MUSK: variants seen among roughly 807,000 people sequenced by gnomAD.
MUSK encodes muscle, skeletal receptor tyrosine-protein kinase.
MUSK carries 55 observed loss-of-function variants against 88.7 expected under a neutral mutation model. That is an observed-to-expected ratio of 0.62 (90% CI 0.50 to 0.78). The LOEUF is 0.78. Among genes scored for constraint, MUSK ranks in the 30% least tolerant of loss-of-function variants. MUSK has a pLI of 0.00. For missense variants in MUSK, 1,015 were observed against 1,074.3 expected, an observed-to-expected ratio of 0.94 and a Z score of 0.77; for synonymous variants, 387 against 391.9, an observed-to-expected ratio of 0.99 and a Z score of 0.15.
chr9:110,687,781 C>G (rs1289196675), intron 3 of MUSK, among the ~76,000 whole-genome samples: 1 of 152,084 alleles, frequency 6.6e-6, no homozygotes, highest in Non-Finnish European at 1.5e-5. Flanking sequence ...TACCCTAAGG[C>G]AAGCCTCTCA....
At chr9:110,788,215 C>T (rs537045363) in intron 14 of MUSK, 50 of 186,366 alleles carry the variant, frequency 2.7e-4, no homozygotes, top group African/African-American at 4.5e-4. Context: ...TCATGAGCAG[C>T]GATTTGTATC....
intron 5 of MUSK, among the ~76,000 whole-genome samples, chr9:110,720,297 CA>C (rs1179464116): frequency 6.6e-6 from 1 of 151,708 alleles, no homozygotes; most frequent in East Asian, 1.9e-4. Context: ...ATAAATGAAA[CA>C]AAAAGCTGGT....
At chr9:110,766,983 C>T (rs961863059) in intron 8 of MUSK, among the ~76,000 whole-genome samples, 1 of 152,192 alleles carries the variant, frequency 6.6e-6, no homozygotes, top group African/African-American at 2.4e-5. Context: ...TAGCATTTTC[C>T]ATTCTCCCAA....
intron 5 of MUSK, among the ~76,000 whole-genome samples, chr9:110,703,390 C>A (rs553322276): frequency 6.6e-6 from 1 of 151,768 alleles, no homozygotes; most frequent in Non-Finnish European, 1.5e-5. Context: ...ATTAGCCGGG[C>A]GTGGTGGTGC....
At chr9:110,714,321 T>TCACCA (rs2076717438) in intron 5 of MUSK, among the ~76,000 whole-genome samples, 2 of 152,150 alleles carry the variant, frequency 1.3e-5, no homozygotes, top group Non-Finnish European at 2.9e-5. Context: ...CCATCCATAT[T>TCACCA]TACAAGTGAG....
chr9:110,735,358 A>G (rs1009703364), intron 6 of MUSK, among the ~76,000 whole-genome samples: 7 of 152,166 alleles, frequency 4.6e-5, no homozygotes, highest in African/African-American at 1.7e-4. Context: ...ACATATACAC[A>G]ATGAAAGAAA....
chr9:110,788,706 A>T (rs974105520), intron 14 of MUSK, among the ~76,000 whole-genome samples: 1 of 151,592 alleles, frequency 6.6e-6, no homozygotes, highest in Non-Finnish European at 1.5e-5. Flanking sequence ...CAGATAATAA[A>T]AAAAAAACAA....
chr9:110,735,455 C>T (rs1361668502), intron 6 of MUSK, among the ~76,000 whole-genome samples: 1 of 151,892 alleles, frequency 6.6e-6, no homozygotes, highest in African/African-American at 2.4e-5. Flanking sequence ...TGAAATAAAC[C>T]AGACACAGCA....
chr9:110,672,175 AG>A (rs1287968356), intron 1 of MUSK, among the ~76,000 whole-genome samples: 2 of 152,232 alleles, frequency 1.3e-5, no homozygotes, highest in African/African-American at 4.8e-5. Context: ...AAAAGAAGGA[AG>A]GAGCAGAAAT....
chr9:110,758,369 T>C (rs1229806080), intron 7 of MUSK, among the ~76,000 whole-genome samples: 1 of 152,162 alleles, frequency 6.6e-6, no homozygotes, highest in Non-Finnish European at 1.5e-5. Context: ...CACTGGAGTG[T>C]TAACAAATTA....
chr9:110,774,673 A>G (rs541419350), intron 9 of MUSK, among the ~76,000 whole-genome samples: 1 of 151,884 alleles, frequency 6.6e-6, no homozygotes, highest in South Asian at 2.1e-4. Flanking sequence ...GCCCCATTAT[A>G]CTCCCTTCTC....
intron 3 of MUSK, among the ~76,000 whole-genome samples, chr9:110,689,848 A>C (rs1358672502): frequency 2.7e-5 from 2 of 73,662 alleles, no homozygotes; most frequent in African/African-American, 1.0e-4. Context: ...CTATATATTT[A>C]TATATAACTA....
intron 3 of MUSK, among the ~76,000 whole-genome samples, chr9:110,688,857 T>A (rs983187839): frequency 6.6e-6 from 1 of 151,296 alleles, no homozygotes; most frequent in Non-Finnish European, 1.5e-5. Flanking sequence ...CTTTATCCAG[T>A]CCATCATTAA....
At chr9:110,677,787 A>T (rs1391725914) in intron 1 of MUSK, among the ~76,000 whole-genome samples, 1 of 152,174 alleles carries the variant, frequency 6.6e-6, no homozygotes, top group Non-Finnish European at 1.5e-5. Context: ...AAGAAATACT[A>T]TTATATTCCG....
chr9:110,682,853 GTA>G (rs895851940), intron 2 of MUSK, 53 bp downstream of exon 2: 6 of 1,179,740 alleles, frequency 5.1e-6, no homozygotes, highest in Non-Finnish European at 7.1e-6. Flanking sequence ...TATAGTAGGT[GTA>G]TATATATGTA....
At chr9:110,676,344 ATATAT>A (rs1453680951) in intron 1 of MUSK, among the ~76,000 whole-genome samples, 1 of 102,590 alleles carries the variant, frequency 9.7e-6, no homozygotes, top group Non-Finnish European at 1.9e-5. Context: ...ATACACACAC[ATATAT>A]TATATATTAT....
At chr9:110,687,362 TCTCA>T in intron 3 of MUSK, 94 bp downstream of exon 3, 1 of 1,437,650 alleles carries the variant, frequency 7.0e-7, no homozygotes, top group South Asian at 1.3e-5. Context: ...TGAGACAGAG[TCTCA>T]CTCTGTTGCT....
intron 5 of MUSK, among the ~76,000 whole-genome samples, chr9:110,732,188 T>A (rs2076973479): frequency 6.6e-6 from 1 of 152,050 alleles, no homozygotes; most frequent in South Asian, 2.1e-4. Context: ...CTCTCAAAGA[T>A]CCTGCTTGTT....
At chr9:110,727,720 G>T in intron 5 of MUSK, 1 of 155,912 alleles carries the variant, frequency 6.4e-6, no homozygotes. Context: ...CAGAGACATG[G>T]GGAGAGTCAA....
Sources: gnomAD v4.1 joint callset for allele counts (sites outside exome capture counted in the v4.1 genomes callset) on GRCh38, gnomAD v4.1.1 for gene constraint, MANE v1.5 for transcripts, NCBI Gene and HGNC (gene_info 2026-07-23, HGNC 2026-07-21) for gene names.